ALDH3A1: variants seen among roughly 807,000 people sequenced by gnomAD.
The protein encoded by ALDH3A1 is aldehyde dehydrogenase 3 family member A1, also known as aldehyde dehydrogenase, dimeric NADP-preferring.
ALDH3A1 carries 46 observed loss-of-function variants against 49.9 expected under a neutral mutation model. The ratio of observed to expected loss-of-function variants is 0.92; its 90% CI spans 0.73 to 1.18. ALDH3A1 has a LOEUF of 1.18. Ranked by LOEUF, ALDH3A1 falls within the 50% of genes most tolerant of loss-of-function variation. ALDH3A1 has a pLI of 0.00. For synonymous variants in ALDH3A1, 269 were observed against 253.3 expected (o/e 1.06, Z -0.59); for missense variants, 592 against 611.8 (o/e 0.97, Z 0.34).
chr17:19,743,830 G>C lies in ALDH3A1; in HGVS notation c.163-367C>G. ...GGAGGGGGGGATGGATCCGGGGAGG[G>C]GGGATAGATTCGGGCACTGGGAGCT... On this transcript the variant is annotated intron_variant, in intron 2 of 10. Coordinates refer to ENST00000225740, the MANE Select transcript of ALDH3A1 (RefSeq NM_000691.5). The surrounding 1 kb of genome is among the most constrained non-coding windows in gnomAD (Gnocchi z 4.4). 1.0e-6 allele frequency: 1 copy of C among 977,190 alleles called. No homozygotes were observed. Among genetic ancestry groups the C allele is most frequent in the Non-Finnish European group, 1.2e-6 (1 of 823,028 alleles). 60.5% of individuals were successfully genotyped at this position (977,190 alleles called of 1,614,324 possible).
At position 19,743,308 on chromosome 17, in the gene ALDH3A1, G is replaced by A. The variant is rs774944676; in HGVS notation, c.318C>T (p.Gly106=). The A allele has an allele frequency of 6.8e-6, 11 of 1,614,168 alleles. No individual in the cohort carries two copies. Among genetic ancestry groups the A allele is most frequent in the South Asian group, 1.1e-5 (1 of 91,088 alleles). The change falls in exon 3 of 11, where the codon GGC becomes GGT. Residue 106 remains glycine, a synonymous_variant. Coordinates refer to ENST00000225740, the MANE Select transcript of ALDH3A1 (RefSeq NM_000691.5). The surrounding 1 kb of genome is among the most constrained non-coding windows in gnomAD (Gnocchi z 4.4). ...DELYIHSEPL[G]VVLVIGTWNY... Reference sequence around the variant, plus strand: ...TCCAGGTGCCAATGACGAGGACCACGCCCAGTGGCTCCGAGTGGATGTAGA... The same window carrying A: ...TCCAGGTGCCAATGACGAGGACCACACCCAGTGGCTCCGAGTGGATGTAGA...
In ALDH3A1 at chr17:19,741,191, A is replaced by G. The variant is rs762581742; in HGVS notation, c.709T>C (p.Phe237Leu). The change falls in exon 6 of 11, where the codon TTC (phenylalanine) becomes CTC (leucine). Residue 237 changes from phenylalanine to leucine, a missense_variant. Phe to Leu is a conservative substitution (Grantham distance 22). Coordinates refer to ENST00000225740, the MANE Select transcript of ALDH3A1 (RefSeq NM_000691.5). Reference protein sequence around the residue: ...VACRRIAWGKFMNSGQTCVAP... With the variant: ...VACRRIAWGKLMNSGQTCVAP... ...ACGCAGGTCTGGCCACTGTTCATGA[A>G]TTTCCCCCAGGCGATGCGTCTGTGA... is the stretch of plus-strand genomic sequence containing the variant. 1.2e-6 allele frequency: 2 copies of G among 1,613,906 alleles called. No individual in the cohort carries two copies. Among genetic ancestry groups the G allele is most frequent in the African/African-American group, 1.3e-5 (1 of 75,014 alleles).
chr17:19,738,922 C>CT (rs2086437426), intron 9 of ALDH3A1, 74 bp downstream of exon 9: 1 of 1,396,768 alleles, frequency 7.2e-7, no homozygotes, highest in Non-Finnish European at 9.9e-7. Flanking sequence ...GAGGTGGTCC[C>CT]TCCTGAATTT....
intron 3 of ALDH3A1, chr17:19,742,963 C>A: frequency 1.3e-6 from 2 of 1,526,292 alleles, no homozygotes; most frequent in South Asian, 1.2e-5. Context: ...AGCCCTGATG[C>A]ATATTAGGTG....
chr17:19,746,728 C>G (rs12939864), intron 1 of ALDH3A1, among the ~76,000 whole-genome samples: 1 of 146,920 alleles, frequency 6.8e-6, no homozygotes, highest in East Asian at 2.0e-4. Context: ...TGTGTGTGCG[C>G]GCGTGTGCGT....
chr17:19,744,564 A>G (rs2086562638), intron 2 of ALDH3A1: 1 of 985,350 alleles, frequency 1.0e-6, no homozygotes, highest in Admixed American at 6.1e-5. Context: ...GGGACGGAAC[A>G]GCCCCTGTGA....
At position 19,743,398 on chromosome 17, in the gene ALDH3A1, C is replaced by A. The variant is rs1567654600; in HGVS notation, c.228G>T (p.Gln76His). ...YVLEEIEYMI[Q>H]KLPEWAADEP... Reference sequence around the variant, plus strand: ...CATCCGCGGCCCACTCAGGGAGCTTCTGGATCATGTACTCGATCTCCTCTA... The same window carrying A: ...CATCCGCGGCCCACTCAGGGAGCTTATGGATCATGTACTCGATCTCCTCTA... The change falls in exon 3 of 11, where the codon CAG becomes CAT. Residue 76 changes from glutamine to histidine, a missense_variant. Physicochemically the swap from Gln to His is conservative, Grantham distance 24 (BLOSUM62 0). Coordinates refer to ENST00000225740, the MANE Select transcript of ALDH3A1 (RefSeq NM_000691.5). The surrounding 1 kb of genome is among the most constrained non-coding windows in gnomAD (Gnocchi z 4.4). 1 of 1,614,166 alleles carries A rather than the reference C, an allele frequency of 6.2e-7. No homozygotes were observed. Among genetic ancestry groups the A allele is most frequent in the Non-Finnish European group, 8.5e-7 (1 of 1,180,028 alleles).
intron 2 of ALDH3A1, chr17:19,744,765 A>G: frequency 7.3e-7 from 1 of 1,367,106 alleles, no homozygotes; most frequent in Non-Finnish European, 9.4e-7. Flanking sequence ...GCCAGGAGGA[A>G]AAGGCCAGAG....
In ALDH3A1 at chr17:19,741,117, C is replaced by T. The variant is rs554189385; in HGVS notation, c.783G>A (p.Val261=). 70 of 1,614,088 alleles carry T rather than the reference C, an allele frequency of 4.3e-5. 2 individuals are homozygous for T. In the South Asian group the frequency reaches 7.2e-4, roughly 17 times the overall value. ...CTTTCAGTGACTTCTTGAGCTTCTC[C>T]ACAATTTGGTTCTGGATCGAGGGGT... is the stretch of plus-strand genomic sequence containing the variant. ...LCDPSIQNQI[V]EKLKKSLKEF... Residue 261 remains valine (V), a synonymous_variant, in exon 6 of 11, where the codon GTG becomes GTA. Transcript: ENST00000225740.
rs2086551419 is a variant in ALDH3A1 at position 19,743,914 on chromosome 17, C to T, written c.163-451G>A. ...TAGTTGTCTGGAGGGGGATGCAGGA[C>T]CAAGGGCTGCTGGGCGCTCAGGGCC... On this transcript the variant is annotated intron_variant, in intron 2 of 10. Coordinates refer to ENST00000225740, the MANE Select transcript of ALDH3A1 (RefSeq NM_000691.5). The surrounding 1 kb of genome is among the most constrained non-coding windows in gnomAD (Gnocchi z 4.4). 1 of 985,012 alleles carries T rather than the reference C, an allele frequency of 1.0e-6. No homozygotes were observed. Among genetic ancestry groups the T allele is most frequent in the Non-Finnish European group, 1.2e-6 (1 of 829,844 alleles). The allele number at this position is 985,012 out of a possible 1,614,324, so 61.0% of individuals were successfully genotyped here.
chr17:19,744,901 G>GGCCCCCCCCCCCCC, intron 2 of ALDH3A1, 67 bp downstream of exon 2: 2 of 434,632 alleles, frequency 4.6e-6, no homozygotes, highest in Non-Finnish European at 6.4e-6. Flanking sequence ...ACTCTCCCCA[G>GGCCCCCCCCCCCCC]CCCCTCCCCC....
At chr17:19,740,108 G>A (rs908286628) in intron 7 of ALDH3A1, 10 of 544,512 alleles carry the variant, frequency 1.8e-5, no homozygotes, top group Admixed American at 3.3e-5. Context: ...GCAGGGAGAT[G>A]AGGCCCCTCT....
chr17:19,744,914 C>CCCCCCCCCCCCCCAGGG, intron 2 of ALDH3A1, 54 bp downstream of exon 2: 1 of 1,196,488 alleles, frequency 8.4e-7, no homozygotes, highest in East Asian at 4.2e-5. Flanking sequence ...CCTCCCCCCA[C>CCCCCCCCCCCCCCAGGG]GCCCCATCGC....
intron 2 of ALDH3A1, chr17:19,744,052 T>C (rs2086553518): frequency 1.0e-6 from 1 of 985,188 alleles, no homozygotes. Flanking sequence ...ACAGAATGGG[T>C]TTCCTTGTTG....
intron 3 of ALDH3A1, 181 bp from the exon 4 acceptor site, chr17:19,742,811 G>T (rs147573068): frequency 2.0e-6 from 3 of 1,534,706 alleles, no homozygotes. Flanking sequence ...GCACATGACA[G>T]AGGGACACAC....
chr17:19,738,975 C>A, intron 9 of ALDH3A1, 21 bp downstream of exon 9: 1 of 1,604,854 alleles, frequency 6.2e-7, no homozygotes, highest in Non-Finnish European at 8.5e-7. Context: ...AGGGAGGCAG[C>A]AAGCTCAGCC....
At position 19,738,190 on chromosome 17, in the gene ALDH3A1, G is replaced by A. The variant is rs1333027397; in HGVS notation, c.*31C>T. On this transcript the variant is annotated 3_prime_UTR_variant, in exon 11 of 11. Transcript: ENST00000225740. ...GTGGTCCGCACTCCGATGGGACACA[G>A]TATGGCCAGGCCAGGCGGAGCAACC... 1 of 1,613,786 alleles carries A rather than the reference G, an allele frequency of 6.2e-7. No homozygotes were observed.
intron 1 of ALDH3A1, among the ~76,000 whole-genome samples, chr17:19,746,108 G>A (rs1274525890): frequency 6.6e-6 from 1 of 152,214 alleles, no homozygotes; most frequent in East Asian, 1.9e-4. Flanking sequence ...TTACAGGCCG[G>A]GCGCGGTGGC....
intron 2 of ALDH3A1, 68 bp downstream of exon 2, chr17:19,744,899 CA>C: frequency 1.4e-5 from 11 of 806,846 alleles, no homozygotes; most frequent in Non-Finnish European, 1.8e-5. Flanking sequence ...GCACTCTCCC[CA>C]GCCCCTCCCC....
Sources: allele counts gnomAD v4.1 joint callset (sites outside exome capture counted in the v4.1 genomes callset), GRCh38; gene constraint gnomAD v4.1.1; non-coding constraint Gnocchi (gnomAD v3.1); transcripts MANE v1.5; gene names NCBI Gene and HGNC (gene_info 2026-07-23, HGNC 2026-07-21).